The following ERBIN variants were observed in gnomAD, a reference collection of about 807,000 sequenced individuals.
ERBIN encodes erbb2 interacting protein.
A neutral mutation model predicts 158.4 loss-of-function variants in ERBIN; 60 were observed. The observed-to-expected ratio is 0.38, with a 90% CI of 0.31 to 0.47. ERBIN has a LOEUF of 0.47. Ranked by LOEUF, ERBIN falls within the 20% of genes least tolerant of loss-of-function variation. The pLI is 0.99. For missense variants in ERBIN, 1,610 were observed against 1,648.0 expected, an observed-to-expected ratio of 0.98 and a Z score of 0.40; for synonymous variants, 594 against 557.2, an observed-to-expected ratio of 1.07 and a Z score of -0.93.
At chr5:66,005,175 A>G (rs559264428) in intron 4 of ERBIN, among the ~76,000 whole-genome samples, 1 of 152,158 alleles carries the variant, frequency 6.6e-6, no homozygotes, top group African/African-American at 2.4e-5. Flanking sequence ...AGTGATGGAC[A>G]TAGTGAGATG....
chr5:65,964,672 A>G (rs900432570), intron 1 of ERBIN, among the ~76,000 whole-genome samples: 4 of 151,904 alleles, frequency 2.6e-5, no homozygotes, highest in African/African-American at 4.8e-5. Context: ...ATTGATTTTC[A>G]GGTACTGCAG....
chr5:65,979,078 G>A (rs2151010427), intron 1 of ERBIN, among the ~76,000 whole-genome samples: 1 of 152,248 alleles, frequency 6.6e-6, no homozygotes, highest in African/African-American at 2.4e-5. Context: ...TGAATTTCCA[G>A]CCTTTATCCT....
intron 15 of ERBIN, among the ~76,000 whole-genome samples, chr5:66,042,058 G>T (rs766275865): frequency 2.6e-5 from 4 of 151,986 alleles, no homozygotes; most frequent in Non-Finnish European, 5.9e-5. Context: ...GGTTAAGCAA[G>T]CCCCAAATAA....
At chr5:65,977,009 C>A (rs1749963224) in intron 1 of ERBIN, among the ~76,000 whole-genome samples, 1 of 152,226 alleles carries the variant, frequency 6.6e-6, no homozygotes, top group South Asian at 2.1e-4. Flanking sequence ...GTCATCATGG[C>A]CCGTTCTCAA....
chr5:65,975,450 T>A lies in ERBIN; in HGVS notation c.-57-13185T>A, dbSNP rs1198020506. Among the ~76,000 whole-genome samples, 3 of 152,018 alleles carry A rather than the reference T, an allele frequency of 2.0e-5. No homozygotes were observed. The East Asian group carries it at 5.8e-4, about 29-fold the overall frequency. On this transcript the variant is annotated intron_variant, in intron 1 of 25. Coordinates refer to ENST00000284037, the MANE Select transcript of ERBIN (RefSeq NM_001253697.2). ...CCTCCTGAATAGCTGGAATTATGGG[T>A]GCCCGGCATCACGCCTGGCTAATTT... is the stretch of plus-strand genomic sequence containing the variant.
At chr5:65,973,408 TAAAA>T (rs1286558225) in intron 1 of ERBIN, among the ~76,000 whole-genome samples, 1 of 149,956 alleles carries the variant, frequency 6.7e-6, no homozygotes, top group Non-Finnish European at 1.5e-5. Flanking sequence ...ATAATAAAAA[TAAAA>T]TAATAAAATA....
chr5:65,964,611 A>G (rs1011463692), intron 1 of ERBIN, among the ~76,000 whole-genome samples: 1 of 152,210 alleles, frequency 6.6e-6, no homozygotes, highest in Non-Finnish European at 1.5e-5. Context: ...AATGACAGCA[A>G]TAATAATAAT....
At chr5:66,009,627 TG>T (rs1388394955) in intron 4 of ERBIN, among the ~76,000 whole-genome samples, 2 of 152,200 alleles carry the variant, frequency 1.3e-5, no homozygotes, top group African/African-American at 2.4e-5. Context: ...CTACTGGTTT[TG>T]CTGGGAGGAA....
intron 9 of ERBIN, among the ~76,000 whole-genome samples, chr5:66,023,762 G>A (rs1369982938): frequency 5.4e-5 from 8 of 148,444 alleles, no homozygotes; most frequent in African/African-American, 1.0e-4. Context: ...TGCGAGCTCC[G>A]CCTCCTGGGT....
chr5:66,074,419 A>T (rs959088603), intron 22 of ERBIN, among the ~76,000 whole-genome samples: 2 of 151,870 alleles, frequency 1.3e-5, no homozygotes, highest in Non-Finnish European at 1.5e-5. Context: ...AATTAATAAT[A>T]AGAGATTATA....
At chr5:66,067,660 A>G (rs1401211579) in intron 21 of ERBIN, among the ~76,000 whole-genome samples, 2 of 152,220 alleles carry the variant, frequency 1.3e-5, no homozygotes, top group Non-Finnish European at 1.5e-5. Context: ...ACTAACTCCT[A>G]AAATATAGTG....
chr5:66,021,411 C>CGAA, intron 8 of ERBIN, 26 bp downstream of exon 8: 1 of 1,477,094 alleles, frequency 6.8e-7, no homozygotes, highest in Non-Finnish European at 9.3e-7. Flanking sequence ...TCTCACTTTC[C>CGAA]CTAAGTTCTT....
intron 1 of ERBIN, among the ~76,000 whole-genome samples, chr5:65,976,598 A>AGGGAAGGTC (rs1299403103): frequency 1.7e-4 from 26 of 150,690 alleles, no homozygotes; most frequent in African/African-American, 6.1e-4. Context: ...ACAATAGTGA[A>AGGGAAGGTC]GGGAAGGTCA....
chr5:65,988,884 G>A (rs1561338088), intron 2 of ERBIN, among the ~76,000 whole-genome samples: 1 of 150,544 alleles, frequency 6.6e-6, no homozygotes, highest in East Asian at 2.0e-4. Context: ...TTGGGAGGCT[G>A]AGGTGGGAGG....
chr5:66,018,513 TTATATAATATATATTATATTA>T (rs1755165986), intron 7 of ERBIN, among the ~76,000 whole-genome samples: 2 of 8,698 alleles, frequency 2.3e-4, no homozygotes, highest in Non-Finnish European at 6.5e-4. Flanking sequence ...ATATTATATA[TTATATAATATATATTATATTA>T]TATAATATAT....
intron 25 of ERBIN, among the ~76,000 whole-genome samples, chr5:66,077,627 T>C (rs1043513459): frequency 6.6e-6 from 1 of 152,124 alleles, no homozygotes; most frequent in Non-Finnish European, 1.5e-5. Context: ...AATTTTAAGC[T>C]TAGAAAAAAG....
At chr5:66,040,100 C>G (rs560533559) in intron 15 of ERBIN, among the ~76,000 whole-genome samples, 1 of 151,914 alleles carries the variant, frequency 6.6e-6, no homozygotes, top group African/African-American at 2.4e-5. Context: ...CAATTTGAGT[C>G]AGACACAATG....
intron 1 of ERBIN, among the ~76,000 whole-genome samples, chr5:65,975,724 G>A (rs550555500): frequency 1.6e-4 from 25 of 152,366 alleles, no homozygotes; most frequent in African/African-American, 6.0e-4. Flanking sequence ...AGTGCATGTG[G>A]ACAACTTGTT....
intron 21 of ERBIN, among the ~76,000 whole-genome samples, chr5:66,062,181 G>A (rs560166603): frequency 2.4e-3 from 369 of 152,254 alleles, no homozygotes; most frequent in Non-Finnish European, 4.3e-3. Context: ...AGGTACACCA[G>A]TGAGACGTAG....
Sources: allele counts gnomAD v4.1 joint callset (sites outside exome capture counted in the v4.1 genomes callset), GRCh38; gene constraint gnomAD v4.1.1; transcripts MANE v1.5; gene names NCBI Gene and HGNC (gene_info 2026-07-23, HGNC 2026-07-21).